The following TEX11 variants were observed in gnomAD, a reference collection of about 807,000 sequenced individuals.
The protein encoded by TEX11 is testis expressed 11.
Under a neutral mutation model 84.4 loss-of-function variants are expected in TEX11, and 7 were observed. The ratio of observed to expected loss-of-function variants is 0.08; its 90% CI spans 0.05 to 0.16. The LOEUF (loss-of-function observed/expected upper bound fraction) is 0.16. TEX11 is among the 10% of genes least tolerant of loss of function. TEX11 has a pLI of 1.00. For synonymous variants in TEX11, 264 were observed against 222.8 expected (o/e 1.18, Z -1.64); for missense variants, 551 against 660.5 (o/e 0.83, Z 1.82).
intron 9 of TEX11, among the ~76,000 whole-genome samples, chrX:70,750,674 A>G (rs1312384189): frequency 1.0e-5 from 1 of 99,509 alleles, no homozygotes; most frequent in Non-Finnish European, 2.0e-5. Context: ...CGCAAGAACA[A>G]AAAACCAAAC....
chrX:70,573,476 C>T (rs1373405358), intron 25 of TEX11, among the ~76,000 whole-genome samples: 1 of 111,708 alleles, frequency 9.0e-6, no homozygotes, highest in Non-Finnish European at 1.9e-5. Context: ...AAAATCTACT[C>T]AAGTTTTGCC....
intron 9 of TEX11, among the ~76,000 whole-genome samples, chrX:70,802,450 A>G (rs931421231): frequency 9.0e-6 from 1 of 111,648 alleles, no homozygotes; most frequent in Admixed American, 9.6e-5. Context: ...ATCATTTCAC[A>G]GTGTATATAT....
intron 9 of TEX11, among the ~76,000 whole-genome samples, chrX:70,770,208 G>A (rs780357033): frequency 1.8e-5 from 2 of 111,503 alleles, no homozygotes; most frequent in South Asian, 3.8e-4. Flanking sequence ...TGGTACAAAC[G>A]TCCTTTGGCC....
At chrX:70,547,749 C>T (rs12850172) in intron 28 of TEX11, among the ~76,000 whole-genome samples, 9,773 of 111,267 alleles carry the variant, frequency 0.088, 807 homozygotes, top group African/African-American at 0.26. Flanking sequence ...GAATGGCGAT[C>T]ATTAAAAAGT....
intron 9 of TEX11, among the ~76,000 whole-genome samples, chrX:70,792,903 C>A (rs73544771): frequency 0.072 from 7,952 of 110,973 alleles, 596 homozygotes; most frequent in African/African-American, 0.22. Context: ...AACAAAACTT[C>A]CAGCCAATAT....
chrX:70,812,930 G>A (rs1235551596), intron 8 of TEX11, among the ~76,000 whole-genome samples: 1 of 111,114 alleles, frequency 9.0e-6, no homozygotes, highest in African/African-American at 3.3e-5. Context: ...ACCAATAACA[G>A]GCTCTAAAAT....
intron 17 of TEX11, among the ~76,000 whole-genome samples, chrX:70,630,961 G>A (rs1050626584): frequency 4.5e-5 from 5 of 112,117 alleles, no homozygotes; most frequent in African/African-American, 1.6e-4. Context: ...TTATCATGAG[G>A]ACATAACTCT....
intron 11 of TEX11, among the ~76,000 whole-genome samples, chrX:70,726,376 G>T (rs970554403): frequency 2.7e-5 from 3 of 111,357 alleles, no homozygotes; most frequent in South Asian, 3.8e-4. Context: ...CATTTGCACC[G>T]TATATTGTCC....
At position 70,676,238 on chromosome X, in the gene TEX11, G is replaced by A. The variant is rs762240106; in HGVS notation, c.1242+2566C>T. 8.8e-4 allele frequency among the ~76,000 whole-genome samples: 99 copies of A among 112,351 alleles called. 1 individual carries two copies. The highest frequency in any genetic ancestry group is 1.6e-3 in the Non-Finnish European group (86 of 53,278). ...TTCTTTTGGATATACAAGCAAAAGT[G>A]AAAATGCTGCATCATATGTTAATAA... On this transcript the variant is annotated intron_variant, in intron 15 of 29. Coordinates refer to ENST00000374333, the MANE Select transcript of TEX11 (RefSeq NM_031276.3).
At position 70,702,141 on chromosome X, in the gene TEX11, G is replaced by T. The variant is rs189415895; in HGVS notation, c.1005-19316C>A. Among the ~76,000 whole-genome samples the T allele has an allele frequency of 1.7e-3, 188 of 111,718 alleles. 2 individuals are homozygous for T. Among genetic ancestry groups the T allele is most frequent in the African/African-American group, 5.8e-3 (180 of 30,849 alleles). On this transcript the variant is annotated intron_variant, in intron 13 of 29. Coordinates refer to ENST00000374333, the MANE Select transcript of TEX11 (RefSeq NM_031276.3). ...AATTTTGCAAGAAGTTCTACTGTGG[G>T]TGAAATGCTAACAAACAGCACAACA...
chrX:70,726,414 T>C (rs769536066), intron 11 of TEX11, among the ~76,000 whole-genome samples: 1 of 112,136 alleles, frequency 8.9e-6, no homozygotes, highest in South Asian at 3.7e-4. Flanking sequence ...AAACTACACT[T>C]CCAGAAGTCA....
At chrX:70,852,055 T>C (rs1489033180) in intron 7 of TEX11, among the ~76,000 whole-genome samples, 1 of 112,380 alleles carries the variant, frequency 8.9e-6, no homozygotes, top group Non-Finnish European at 1.9e-5. Context: ...TAGCTTGTGG[T>C]GAATATTGCA....
intron 28 of TEX11, among the ~76,000 whole-genome samples, chrX:70,548,674 G>C (rs1275172686): frequency 9.0e-6 from 1 of 111,585 alleles, no homozygotes; most frequent in East Asian, 2.8e-4. Flanking sequence ...AAGTAACACT[G>C]GGCAGAACTC....
At chrX:70,713,501 C>T (rs1328592220) in intron 13 of TEX11, among the ~76,000 whole-genome samples, 7 of 111,896 alleles carry the variant, frequency 6.3e-5, no homozygotes, top group Non-Finnish European at 1.3e-4. Flanking sequence ...GATTCAACTT[C>T]TTCCTGGTTT....
intron 12 of TEX11, among the ~76,000 whole-genome samples, chrX:70,724,829 C>G (rs763781011): frequency 1.8e-5 from 2 of 111,230 alleles, no homozygotes; most frequent in South Asian, 7.7e-4. Context: ...TGCCCAATGA[C>G]CAACTTTTGT....
intron 29 of TEX11, 65 bp from the exon 30 acceptor site, chrX:70,529,252 C>A: frequency 1.2e-6 from 1 of 859,800 alleles, no homozygotes; most frequent in Admixed American, 2.4e-5. Flanking sequence ...GCTTCCCAGA[C>A]CCACGGTGAT....
At position 70,537,028 on chromosome X, in the gene TEX11, C is replaced by T. The variant is rs751739070; in HGVS notation, c.2521-7029G>A. Among the ~76,000 whole-genome samples, 42 of 111,365 alleles carry T rather than the reference C, an allele frequency of 3.8e-4. 1 individual carries two copies. Among genetic ancestry groups the T allele is most frequent in the Admixed American group, 2.1e-3 (22 of 10,403 alleles). ...AAAATGATGGACAGGCAGTAAAATG[C>T]CTCAGGAAGTAGAAGGGGATTGAAC... On this transcript the variant is annotated intron_variant, in intron 28 of 29. Coordinates refer to ENST00000374333, the MANE Select transcript of TEX11 (RefSeq NM_031276.3).
chrX:70,815,759 G>A (rs1407525144), intron 8 of TEX11, among the ~76,000 whole-genome samples: 1 of 111,087 alleles, frequency 9.0e-6, no homozygotes, highest in East Asian at 2.8e-4. Context: ...TTGATTTCAC[G>A]CTTCTGTCAA....
downstream of TEX11, among the ~76,000 whole-genome samples, chrX:70,524,326 G>T (rs1000513140): frequency 3.1e-4 from 35 of 112,139 alleles, no homozygotes; most frequent in African/African-American, 1.1e-3. Context: ...TTGTGTGAAT[G>T]AAATAACCCA....
Sources: allele counts gnomAD v4.1 joint callset (sites outside exome capture counted in the v4.1 genomes callset), GRCh38; gene constraint gnomAD v4.1.1; transcripts MANE v1.5; gene names NCBI Gene and HGNC (gene_info 2026-07-23, HGNC 2026-07-21).